The following PAK5 variants were observed in gnomAD, a reference collection of about 807,000 sequenced individuals.
PAK5 encodes the protein serine/threonine-protein kinase PAK 5.
PAK5 carries 16 observed loss-of-function variants against 65.9 expected under a neutral mutation model. The ratio of observed to expected loss-of-function variants is 0.24; its 90% CI spans 0.16 to 0.37. The LOEUF (loss-of-function observed/expected upper bound fraction) is 0.37. Among genes scored for constraint, PAK5 ranks in the 10% least tolerant of loss-of-function variants. The pLI is 1.00. For missense variants in PAK5, 785 were observed against 903.9 expected (o/e 0.87, Z 1.69); for synonymous variants, 371 against 354.9 (o/e 1.05, Z -0.51).
chr20:9,724,873 G>C (rs976633698), intron 1 of PAK5, among the ~76,000 whole-genome samples: 3 of 152,020 alleles, frequency 2.0e-5, no homozygotes, highest in African/African-American at 7.3e-5. Flanking sequence ...AATTTTAATT[G>C]CATATGTTAA....
At chr20:9,722,237 T>C (rs1236645360) in intron 1 of PAK5, among the ~76,000 whole-genome samples, 1 of 152,158 alleles carries the variant, frequency 6.6e-6, no homozygotes, top group Non-Finnish European at 1.5e-5. Context: ...GGAGTTAGCA[T>C]GTACAAATGT....
At chr20:9,807,434 C>T (rs1304585960) in intron 1 of PAK5, among the ~76,000 whole-genome samples, 1 of 152,020 alleles carries the variant, frequency 6.6e-6, no homozygotes, top group Non-Finnish European at 1.5e-5. Context: ...AGCATAAATA[C>T]CTTTGAGAAA....
intron 1 of PAK5, among the ~76,000 whole-genome samples, chr20:9,743,794 A>G (rs963193808): frequency 2.0e-5 from 3 of 152,184 alleles, no homozygotes; most frequent in Admixed American, 1.3e-4. Context: ...TGGTGAGCTG[A>G]AAATGGCCCC....
intron 1 of PAK5, among the ~76,000 whole-genome samples, chr20:9,811,355 C>T (rs1329774130): frequency 6.6e-6 from 1 of 152,156 alleles, no homozygotes; most frequent in Non-Finnish European, 1.5e-5. Flanking sequence ...CTCTCTCCCC[C>T]ACCCCAAAAA....
chr20:9,681,320 T>C (rs1339662978), intron 2 of PAK5, among the ~76,000 whole-genome samples: 4 of 152,194 alleles, frequency 2.6e-5, no homozygotes, highest in Non-Finnish European at 5.9e-5. Flanking sequence ...GCTTCTTATT[T>C]CTTTTTTATT....
At chr20:9,625,644 T>A (rs1049310918) in intron 3 of PAK5, among the ~76,000 whole-genome samples, 1 of 152,176 alleles carries the variant, frequency 6.6e-6, no homozygotes, top group African/African-American at 2.4e-5. Context: ...ACAGGCACCA[T>A]CCTAGCTCAC....
intron 1 of PAK5, among the ~76,000 whole-genome samples, chr20:9,828,330 G>C (rs1015913412): frequency 1.3e-5 from 2 of 152,096 alleles, no homozygotes; most frequent in African/African-American, 2.4e-5. Flanking sequence ...TTGTTTGTCT[G>C]TTTCTCTATC....
rs148979075 is a variant in PAK5 at position 9,735,337 on chromosome 20, G to C, written c.-161-23902C>G. Among the ~76,000 whole-genome samples, 219 of 152,278 alleles carry C rather than the reference G, an allele frequency of 1.4e-3. 1 individual carries two copies. Among genetic ancestry groups the C allele is most frequent in the African/African-American group, 5.1e-3 (210 of 41,564 alleles). On this transcript the variant is annotated intron_variant, in intron 1 of 9. Transcript: ENST00000353224. ...AAAAATAAAAAATTCCAGAGAATCA[G>C]AGATTTGTACAATGTCTCCCTCAAG...
intron 1 of PAK5, among the ~76,000 whole-genome samples, chr20:9,734,074 G>T (rs923463915): frequency 7.2e-5 from 11 of 152,156 alleles, no homozygotes; most frequent in Non-Finnish European, 1.5e-4. Context: ...GTGTCTTGAG[G>T]AAGCTTCTGT....
chr20:9,604,583 C>T (rs552791614), intron 3 of PAK5, among the ~76,000 whole-genome samples: 1 of 152,306 alleles, frequency 6.6e-6, no homozygotes, highest in South Asian at 2.1e-4. Context: ...CCAGGTCTCT[C>T]TAGAGCCAAA....
rs74841356 is a variant in PAK5, at chr20:9,681,893, C to T, written c.-12+29393G>A. Among the ~76,000 whole-genome samples, 99 of 152,232 alleles carry T rather than the reference C, an allele frequency of 6.5e-4. No homozygotes were observed. The East Asian group carries it at 0.014, about 21-fold the overall frequency. Reference sequence around the variant, plus strand: ...GTTTTTGTTAGTCTATAAACACCTCCGTTTTACTTAATTTTTGGAGGCTTC... The same window carrying T: ...GTTTTTGTTAGTCTATAAACACCTCTGTTTTACTTAATTTTTGGAGGCTTC... On this transcript the variant is annotated intron_variant, in intron 2 of 9. Coordinates refer to ENST00000353224, the MANE Select transcript of PAK5 (RefSeq NM_177990.4).
At chr20:9,721,477 G>A (rs1401680530) in intron 1 of PAK5, among the ~76,000 whole-genome samples, 2 of 151,612 alleles carry the variant, frequency 1.3e-5, no homozygotes, top group East Asian at 1.9e-4. Context: ...GTGAAACCCC[G>A]TCTCTACTAA....
chr20:9,699,553 G>T (rs1306189785), intron 2 of PAK5, among the ~76,000 whole-genome samples: 2 of 138,796 alleles, frequency 1.4e-5, no homozygotes, highest in Non-Finnish European at 1.5e-5. Context: ...TTTGCTTCTT[G>T]TTTTTTTTTT....
chr20:9,725,054 T>A (rs530043732), intron 1 of PAK5, among the ~76,000 whole-genome samples: 4 of 152,128 alleles, frequency 2.6e-5, no homozygotes, highest in African/African-American at 4.8e-5. Context: ...ATTAAAAATT[T>A]AAAAAATTTT....
chr20:9,793,522 T>C (rs1172323518), intron 1 of PAK5, among the ~76,000 whole-genome samples: 1 of 152,058 alleles, frequency 6.6e-6, no homozygotes, highest in Non-Finnish European at 1.5e-5. Context: ...TGGGGTTGTT[T>C]GAACAGACCT....
At chr20:9,806,508 T>C (rs938545985) in intron 1 of PAK5, among the ~76,000 whole-genome samples, 1 of 152,168 alleles carries the variant, frequency 6.6e-6, no homozygotes, top group Non-Finnish European at 1.5e-5. Flanking sequence ...CTCCTATATC[T>C]ATATCCCTTA....
chr20:9,604,531 G>C (rs1006007116), intron 3 of PAK5, among the ~76,000 whole-genome samples: 1 of 152,152 alleles, frequency 6.6e-6, no homozygotes, highest in African/African-American at 2.4e-5. Flanking sequence ...CTCAGTGAAG[G>C]TCACAAAGCT....
chr20:9,557,262 T>C (rs1221883218), intron 7 of PAK5, among the ~76,000 whole-genome samples: 1 of 152,198 alleles, frequency 6.6e-6, no homozygotes, highest in Non-Finnish European at 1.5e-5. Context: ...TGTGGACACA[T>C]GTATTCATGT....
intron 2 of PAK5, among the ~76,000 whole-genome samples, chr20:9,698,004 T>C (rs915181527): frequency 6.6e-6 from 1 of 152,092 alleles, no homozygotes; most frequent in Non-Finnish European, 1.5e-5. Context: ...TGTTTGACCA[T>C]ATGATGAATT....
Sources: gnomAD v4.1 joint callset for allele counts (sites outside exome capture counted in the v4.1 genomes callset) on GRCh38, gnomAD v4.1.1 for gene constraint, MANE v1.5 for transcripts, NCBI Gene and HGNC (gene_info 2026-07-23, HGNC 2026-07-21) for gene names.